MAF: variants seen among roughly 807,000 people sequenced by gnomAD.
MAF encodes transcription factor Maf.
MAF carries 10 observed loss-of-function variants against 22.0 expected under a neutral mutation model. That is an observed-to-expected ratio of 0.45 (90% confidence interval 0.28 to 0.77). The LOEUF (loss-of-function observed/expected upper bound fraction) is 0.77. Among genes scored for constraint, MAF ranks in the 30% least tolerant of loss-of-function variants. The probability of loss-of-function intolerance (pLI) is 0.12; values close to 1 mark genes in which losing one functional copy is unlikely to be tolerated. For synonymous variants in MAF, 337 were observed against 255.8 expected, an observed-to-expected ratio of 1.32 and a Z score of -3.03; for missense variants, 544 against 548.4, an observed-to-expected ratio of 0.99 and a Z score of 0.08.
At chr16:79,458,128 G>GTGTGTGTA in the MAF span, among the ~76,000 whole-genome samples, 1 of 150,086 alleles carries the variant, frequency 6.7e-6, no homozygotes, top group African/African-American at 2.4e-5. Context: ...GTGTGTGTGT[G>GTGTGTGTA]TGTGTGTGTG....
At chr16:79,340,190 C>T in the MAF span, among the ~76,000 whole-genome samples, 1 of 151,944 alleles carries the variant, frequency 6.6e-6, no homozygotes, top group Admixed American at 6.6e-5. Context: ...GCCCCTCCTT[C>T]CCTGTCTTTG....
chr16:79,257,112 G>A, the MAF span, among the ~76,000 whole-genome samples: 1 of 152,128 alleles, frequency 6.6e-6, no homozygotes, highest in East Asian at 1.9e-4. Flanking sequence ...AGGAGATGGA[G>A]GTTGCAGTGA....
At chr16:79,559,181 G>C in the MAF span, among the ~76,000 whole-genome samples, 1 of 152,170 alleles carries the variant, frequency 6.6e-6, no homozygotes, top group Non-Finnish European at 1.5e-5. Context: ...GCACCATCAA[G>C]AAGATGGCTG....
chr16:79,226,557 T>G, the MAF span, among the ~76,000 whole-genome samples: 1 of 152,096 alleles, frequency 6.6e-6, no homozygotes, highest in African/African-American at 2.4e-5. Flanking sequence ...GTTTATAACC[T>G]ATTAGATGAA....
At chr16:79,450,068 T>C in the MAF span, among the ~76,000 whole-genome samples, 3 of 152,236 alleles carry the variant, frequency 2.0e-5, no homozygotes, top group Non-Finnish European at 4.4e-5. Flanking sequence ...CTTTCCATAG[T>C]ATTCCCTTAT....
the MAF span, among the ~76,000 whole-genome samples, chr16:79,496,548 G>A: frequency 6.6e-6 from 1 of 152,196 alleles, no homozygotes; most frequent in Admixed American, 6.5e-5. Flanking sequence ...CTTATTAACA[G>A]AGCAGTTTCT....
the MAF span, chr16:79,505,532 T>G: frequency 6.6e-6 from 1 of 152,362 alleles, no homozygotes; most frequent in South Asian, 2.1e-4. Flanking sequence ...AAGCTCTTGC[T>G]TCCTGTCCAA....
chr16:79,240,116 C>T, the MAF span, among the ~76,000 whole-genome samples: 2 of 151,762 alleles, frequency 1.3e-5, no homozygotes, highest in Non-Finnish European at 2.9e-5. Flanking sequence ...CCCAGAATGG[C>T]ATTGGGGGTT....
the MAF span, among the ~76,000 whole-genome samples, chr16:79,389,951 C>T: frequency 2.2e-4 from 25 of 114,260 alleles, no homozygotes; most frequent in East Asian, 2.9e-3. Flanking sequence ...ACCTCCAGCA[C>T]GGGCAACACA....
the MAF span, among the ~76,000 whole-genome samples, chr16:79,337,378 T>C: frequency 6.6e-6 from 1 of 152,122 alleles, no homozygotes; most frequent in Non-Finnish European, 1.5e-5. Flanking sequence ...CAGACCAGCC[T>C]GGCCAGTACG....
the MAF span, among the ~76,000 whole-genome samples, chr16:79,209,627 T>C: frequency 6.6e-6 from 1 of 152,094 alleles, no homozygotes; most frequent in East Asian, 1.9e-4. Context: ...AAAATGAAAA[T>C]ATATGACAGA....
At chr16:79,435,357 A>G in the MAF span, among the ~76,000 whole-genome samples, 3 of 152,194 alleles carry the variant, frequency 2.0e-5, no homozygotes, top group African/African-American at 7.2e-5. Flanking sequence ...TGAGGGATTG[A>G]AAGCCTTGAT....
At chr16:79,308,149 A>T in the MAF span, among the ~76,000 whole-genome samples, 1 of 152,154 alleles carries the variant, frequency 6.6e-6, no homozygotes, top group Non-Finnish European at 1.5e-5. Context: ...GACCCAATCG[A>T]TGGAGCTGTC....
chr16:79,475,524 C>A, the MAF span, among the ~76,000 whole-genome samples: 3 of 152,074 alleles, frequency 2.0e-5, no homozygotes, highest in African/African-American at 7.2e-5. Context: ...GCCTGTCTAT[C>A]GATCTATCTA....
At chr16:79,440,785 T>C in the MAF span, among the ~76,000 whole-genome samples, 1 of 152,228 alleles carries the variant, frequency 6.6e-6, no homozygotes, top group African/African-American at 2.4e-5. Flanking sequence ...TTTTAACATA[T>C]AAATTAAAGC....
At chr16:79,329,542 T>C in the MAF span, among the ~76,000 whole-genome samples, 19 of 151,962 alleles carry the variant, frequency 1.3e-4, no homozygotes, top group African/African-American at 4.6e-4. Context: ...TCCCCCAAAA[T>C]TAAAAAAACT....
At chr16:79,447,613 G>A in the MAF span, among the ~76,000 whole-genome samples, 4 of 152,198 alleles carry the variant, frequency 2.6e-5, no homozygotes, top group South Asian at 4.1e-4. Context: ...AGTATTCACC[G>A]TTCTAGATGC....
the MAF span, among the ~76,000 whole-genome samples, chr16:79,298,860 A>C: frequency 6.6e-6 from 1 of 152,236 alleles, no homozygotes; most frequent in African/African-American, 2.4e-5. Context: ...GCAAATGGAA[A>C]CTGTACCATC....
At chr16:79,289,131 A>C in the MAF span, among the ~76,000 whole-genome samples, 1 of 152,224 alleles carries the variant, frequency 6.6e-6, no homozygotes, top group Admixed American at 6.5e-5. Context: ...CTTGTATTCC[A>C]AGCTAAGAAA....
Sources: gnomAD v4.1 joint callset for allele counts (sites outside exome capture counted in the v4.1 genomes callset) on GRCh38, gnomAD v4.1.1 for gene constraint, MANE v1.5 for transcripts, NCBI Gene and HGNC (gene_info 2026-07-23, HGNC 2026-07-21) for gene names.